CYRIA: variants seen among roughly 807,000 people sequenced by gnomAD.
The protein encoded by CYRIA is CYFIP-related Rac1 interactor A.
CYRIA carries 15 observed loss-of-function variants against 43.9 expected under a neutral mutation model. The ratio of observed to expected loss-of-function variants is 0.34; its 90% CI spans 0.23 to 0.53. The LOEUF is 0.53. CYRIA is among the 20% of genes least tolerant of loss of function. CYRIA has a pLI of 0.94. For missense variants in CYRIA, 236 were observed against 394.2 expected, an observed-to-expected ratio of 0.60 and a Z score of 3.40; for synonymous variants, 117 against 136.0, an observed-to-expected ratio of 0.86 and a Z score of 0.97.
intron 1 of CYRIA, among the ~76,000 whole-genome samples, chr2:16,635,690 G>T (rs1398612767): frequency 1.3e-5 from 2 of 152,128 alleles, no homozygotes; most frequent in Admixed American, 6.5e-5. Context: ...TGGAGACTCA[G>T]ATTAGACAAA....
At chr2:16,612,966 G>T (rs1203823796) in intron 2 of CYRIA, among the ~76,000 whole-genome samples, 1 of 152,192 alleles carries the variant, frequency 6.6e-6, no homozygotes, top group African/African-American at 2.4e-5. Context: ...TTATAAATGG[G>T]AGTTCCCCCG....
At chr2:16,665,010 C>G (rs966673889) in intron 1 of CYRIA, among the ~76,000 whole-genome samples, 3 of 152,112 alleles carry the variant, frequency 2.0e-5, no homozygotes, top group Non-Finnish European at 4.4e-5. Flanking sequence ...GATCTTGGCC[C>G]TGGTCTCTGG....
chr2:16,649,954 A>T (rs1402636938), intron 1 of CYRIA, among the ~76,000 whole-genome samples: 2 of 152,200 alleles, frequency 1.3e-5, no homozygotes, highest in Non-Finnish European at 1.5e-5. Context: ...GCCACATCCC[A>T]GTAGAAGTTT....
intron 1 of CYRIA, among the ~76,000 whole-genome samples, chr2:16,652,569 A>G (rs1670004583): frequency 6.6e-6 from 1 of 152,326 alleles, no homozygotes; most frequent in African/African-American, 2.4e-5. Context: ...CCTTCTGGAA[A>G]GGTCTCCAGA....
Position 16,600,307 on chromosome 2 carries a change from T to C in CYRIA, c.-10-12178A>G, listed in dbSNP as rs183859258. Among the ~76,000 whole-genome samples the C allele has an allele frequency of 1.5e-3, 225 of 152,250 alleles. 1 individual carries two copies. Among genetic ancestry groups the C allele is most frequent in the African/African-American group, 5.1e-3 (213 of 41,548 alleles). On this transcript the variant is annotated intron_variant, in intron 2 of 11. Transcript: ENST00000381323. Reference sequence around the variant, plus strand: ...CTGCTTTATCTTCCTCAACACTGACTCTCTTGGTGACAGCAAAATAAAAGG... The same window carrying C: ...CTGCTTTATCTTCCTCAACACTGACCCTCTTGGTGACAGCAAAATAAAAGG...
intron 1 of CYRIA, among the ~76,000 whole-genome samples, chr2:16,655,540 G>T (rs532740253): frequency 2.0e-5 from 3 of 152,210 alleles, no homozygotes; most frequent in Admixed American, 2.0e-4. Context: ...TCTTCTGTTC[G>T]TTCTCCCTCA....
chr2:16,649,748 G>A (rs548124988), intron 1 of CYRIA, among the ~76,000 whole-genome samples: 3 of 150,766 alleles, frequency 2.0e-5, no homozygotes, highest in East Asian at 2.0e-4. Flanking sequence ...CACAGGGCAC[G>A]GTTGTACAGT....
intron 1 of CYRIA, among the ~76,000 whole-genome samples, chr2:16,646,472 T>C (rs1416867087): frequency 6.6e-6 from 1 of 152,170 alleles, no homozygotes; most frequent in Non-Finnish European, 1.5e-5. Context: ...GAGAAGCTGA[T>C]CAGTGCAAGG....
rs76816458 is a variant in CYRIA at position 16,552,168 on chromosome 2, G to A, written c.*768C>T. On this transcript the variant is annotated 3_prime_UTR_variant, in exon 12 of 12. Coordinates refer to ENST00000381323, the MANE Select transcript of CYRIA (RefSeq NM_030797.4). ...TCCCTGTAGGCAGAGGGCTGAAGCA[G>A]AGAGATGGCTGTCCTGTTGCCTGAG... 6.6e-6 allele frequency: 1 copy of A among 152,238 alleles called. No homozygotes were observed. The highest frequency in any genetic ancestry group is 2.4e-5 in the African/African-American group (1 of 41,564). The allele number at this position is 152,238 out of a possible 1,614,324, so 9.4% of individuals were successfully genotyped here. A position where few individuals can be genotyped will look rare whatever the true frequency, so the allele number is the denominator to read the frequency against.
chr2:16,617,468 C>A (rs1668842615), intron 2 of CYRIA, among the ~76,000 whole-genome samples: 1 of 152,230 alleles, frequency 6.6e-6, no homozygotes, highest in African/African-American at 2.4e-5. Context: ...AGATTCCAAC[C>A]CAAAGCAGGA....
intron 10 of CYRIA, among the ~76,000 whole-genome samples, chr2:16,556,120 GC>G (rs1666504846): frequency 6.6e-6 from 1 of 152,042 alleles, no homozygotes; most frequent in Non-Finnish European, 1.5e-5. Flanking sequence ...TATACTTAGG[GC>G]CCCTTTTGTA....
At chr2:16,646,224 G>T (rs1024311391) in intron 1 of CYRIA, among the ~76,000 whole-genome samples, 1 of 152,216 alleles carries the variant, frequency 6.6e-6, no homozygotes, top group African/African-American at 2.4e-5. Flanking sequence ...GTAGAATCAA[G>T]ATGTCTAGAG....
intron 2 of CYRIA, among the ~76,000 whole-genome samples, chr2:16,610,410 C>T (rs1453429054): frequency 6.6e-6 from 1 of 152,206 alleles, no homozygotes; most frequent in South Asian, 2.1e-4. Context: ...TGGCCTGTGG[C>T]CTCTGGTCAG....
intron 1 of CYRIA, among the ~76,000 whole-genome samples, chr2:16,633,559 TTTTTTTTTTTTTTC>T (rs1276483714): frequency 1.2e-3 from 123 of 101,778 alleles, no homozygotes; most frequent in Admixed American, 1.7e-3. Context: ...TTTTTTTTTT[TTTTTTTTTTTTTTC>T]TGTAGAGAAG....
intron 1 of CYRIA, among the ~76,000 whole-genome samples, chr2:16,652,434 C>T (rs182557430): frequency 3.1e-4 from 47 of 152,332 alleles, no homozygotes; most frequent in Admixed American, 1.5e-3. Context: ...GCCATCCTCT[C>T]TCCCCTTGCC....
chr2:16,615,921 C>G (rs140362416), intron 2 of CYRIA, among the ~76,000 whole-genome samples: 1 of 152,308 alleles, frequency 6.6e-6, no homozygotes, highest in East Asian at 1.9e-4. Context: ...CTCCACAGGC[C>G]CAGGGTTGGC....
chr2:16,624,605 GTCTC>G (rs374696147), intron 1 of CYRIA, among the ~76,000 whole-genome samples: 4 of 149,954 alleles, frequency 2.7e-5, no homozygotes, highest in East Asian at 3.9e-4. Flanking sequence ...GTGGGCCCAG[GTCTC>G]TCTCTCTCTC....
chr2:16,658,031 A>G (rs1202447765), intron 1 of CYRIA, among the ~76,000 whole-genome samples: 1 of 152,226 alleles, frequency 6.6e-6, no homozygotes, highest in Non-Finnish European at 1.5e-5. Flanking sequence ...TGGATTTAAA[A>G]CTGCAAGACT....
intron 2 of CYRIA, among the ~76,000 whole-genome samples, chr2:16,604,842 A>G (rs1668337333): frequency 6.6e-6 from 1 of 152,232 alleles, no homozygotes; most frequent in Non-Finnish European, 1.5e-5. Context: ...TTCCATTGTC[A>G]AATGTATTGC....
Sources: gnomAD v4.1 joint callset for allele counts (sites outside exome capture counted in the v4.1 genomes callset) on GRCh38, gnomAD v4.1.1 for gene constraint, MANE v1.5 for transcripts, NCBI Gene and HGNC (gene_info 2026-07-23, HGNC 2026-07-21) for gene names.